Variants in MESP1 observed in about 807,000 individuals in gnomAD.
MESP1 encodes mesoderm posterior bHLH transcription factor 1.
A neutral mutation model predicts 15.2 loss-of-function variants in MESP1; 22 were observed. That is an observed-to-expected ratio of 1.45 (90% CI 1.04 to 2.07). The LOEUF (loss-of-function observed/expected upper bound fraction) is 2.07. Among genes scored for constraint, MESP1 ranks in the 30% most tolerant of loss-of-function variants. The pLI is 0.00. For synonymous variants in MESP1, 216 were observed against 192.6 expected (o/e 1.12, Z -1.01); for missense variants, 484 against 411.9 (o/e 1.17, Z -1.51).
chr15:89,744,582 T>C, the MESP1 span, among the ~76,000 whole-genome samples: 1 of 152,238 alleles, frequency 6.6e-6, no homozygotes, highest in Non-Finnish European at 1.5e-5. Flanking sequence ...ATGTTATTGT[T>C]ATCCCCATTT....
the MESP1 span, chr15:89,743,759 T>C: frequency 5.3e-5 from 12 of 226,948 alleles, no homozygotes; most frequent in East Asian, 1.0e-3. Flanking sequence ...TCCTAGGCCC[T>C]GGAGAGCCAC....
the MESP1 span, among the ~76,000 whole-genome samples, chr15:89,738,517 C>T: frequency 1.1e-3 from 165 of 151,212 alleles, no homozygotes; most frequent in Admixed American, 2.3e-3. Flanking sequence ...ATCCCAGCTA[C>T]TCGGGAGGCT....
downstream of MESP1, among the ~76,000 whole-genome samples, chr15:89,747,496 G>A (rs1260444710): frequency 2.6e-5 from 4 of 152,202 alleles, no homozygotes; most frequent in African/African-American, 4.8e-5. Context: ...TGGCCTCAGC[G>A]GGCACCCCTG....
the MESP1 span, chr15:89,733,208 G>A: frequency 1.2e-6 from 2 of 1,613,620 alleles, no homozygotes; most frequent in Non-Finnish European, 1.7e-6. Flanking sequence ...CCATCAGTGT[G>A]CTTGTTGAGA....
At chr15:89,735,191 G>A in the MESP1 span, among the ~76,000 whole-genome samples, 1 of 152,062 alleles carries the variant, frequency 6.6e-6, no homozygotes, top group Non-Finnish European at 1.5e-5. Context: ...TTTTTCAATG[G>A]TATTTATTCT....
chr15:89,733,575 G>T, the MESP1 span, among the ~76,000 whole-genome samples: 1 of 152,254 alleles, frequency 6.6e-6, no homozygotes, highest in East Asian at 1.9e-4. Flanking sequence ...TGGATTAATA[G>T]GTGAATGGAT....
chr15:89,750,078 A>C lies in MESP1; in HGVS notation c.*66T>G. 7.0e-7 allele frequency: 1 copy of C among 1,433,366 alleles called. No individual in the cohort carries two copies. Among genetic ancestry groups the C allele is most frequent in the East Asian group, 2.3e-5 (1 of 43,916 alleles). The allele number at this position is 1,433,366 out of a possible 1,614,324, so 88.8% of individuals were successfully genotyped here. On this transcript the variant is annotated 3_prime_UTR_variant, in exon 2 of 2. Coordinates refer to ENST00000300057, the MANE Select transcript of MESP1 (RefSeq NM_018670.4). ...TCCAGGAAAGGCAGTCTGCCAAGGA[A>C]CCACTTCGAAGGTGCTGAGGCCAAA...
At chr15:89,750,298 C>G in intron 1 of MESP1, 71 bp from the exon 2 acceptor site, 1 of 1,592,926 alleles carries the variant, frequency 6.3e-7, no homozygotes, top group South Asian at 1.1e-5. Context: ...CGCTCGTGGG[C>G]TCCACTCTCA....
the MESP1 span, chr15:89,737,935 C>T: frequency 7.3e-7 from 1 of 1,375,768 alleles, no homozygotes; most frequent in South Asian, 1.4e-5. Flanking sequence ...ACCCAGATGA[C>T]CCAGCCTTTA....
chr15:89,735,245 A>T, the MESP1 span, among the ~76,000 whole-genome samples: 1 of 152,180 alleles, frequency 6.6e-6, no homozygotes, highest in Non-Finnish European at 1.5e-5. Flanking sequence ...ATACATGTTG[A>T]TGCATGTAGC....
At chr15:89,737,580 T>C in the MESP1 span, 5 of 1,614,074 alleles carry the variant, frequency 3.1e-6, no homozygotes, top group Non-Finnish European at 4.2e-6. Flanking sequence ...CAGGTGCTCA[T>C]CTTTTCCAAG....
chr15:89,735,406 C>T, the MESP1 span: 2 of 1,395,774 alleles, frequency 1.4e-6, no homozygotes, highest in African/African-American at 1.4e-5. Flanking sequence ...CTCTGAATTT[C>T]TCCAGGATAT....
the MESP1 span, chr15:89,743,453 G>C: frequency 2.6e-6 from 4 of 1,520,204 alleles, no homozygotes; most frequent in African/African-American, 5.5e-5. Context: ...CTGCTCCCAG[G>C]ACACTGAGGC....
the MESP1 span, among the ~76,000 whole-genome samples, chr15:89,742,636 C>T: frequency 1.3e-5 from 2 of 152,074 alleles, no homozygotes; most frequent in Non-Finnish European, 2.9e-5. Context: ...CAGATTCAAG[C>T]GATTCTCCTG....
chr15:89,737,440 T>A, the MESP1 span: 5 of 1,231,642 alleles, frequency 4.1e-6, no homozygotes, highest in Non-Finnish European at 5.7e-6. Flanking sequence ...CCTGGATGGA[T>A]CCAGAGGCTG....
At chr15:89,750,300 C>G in intron 1 of MESP1, 73 bp from the exon 2 acceptor site, 1 of 1,591,914 alleles carries the variant, frequency 6.3e-7, no homozygotes, top group South Asian at 1.1e-5. Context: ...CTCGTGGGCT[C>G]CACTCTCAGG....
chr15:89,735,606 G>T, the MESP1 span: 2 of 1,553,746 alleles, frequency 1.3e-6, no homozygotes, highest in African/African-American at 2.7e-5. Context: ...TTTCTCTTCT[G>T]TGAATGTGTT....
In MESP1 at chr15:89,750,699, G is replaced by C; in HGVS notation, c.533C>G (p.Thr178Arg). Reference protein sequence around the residue: ...DDCPAQMQTRTQAEGQGQGRG... With the variant: ...DDCPAQMQTRRQAEGQGQGRG... ...CCCCTGCCCCTGCCCCTCAGCCTGC[G>C]TCCGTGTCTGCATCTGCGCGGGGCA... Residue 178 changes from threonine to arginine, a missense_variant, in exon 1 of 2, where the codon ACG (threonine) becomes AGG (arginine). Coordinates refer to ENST00000300057, the MANE Select transcript of MESP1 (RefSeq NM_018670.4). The C allele has an allele frequency of 7.3e-7, 1 of 1,374,730 alleles. No individual in the cohort carries two copies. Among genetic ancestry groups the C allele is most frequent in the South Asian group, 1.7e-5 (1 of 58,630 alleles). The allele number at this position is 1,374,730 out of a possible 1,614,324, so 85.2% of individuals were successfully genotyped here.
the MESP1 span, chr15:89,737,657 G>C: frequency 1.2e-6 from 2 of 1,614,182 alleles, no homozygotes; most frequent in African/African-American, 2.7e-5. Flanking sequence ...CCCTCCGGGA[G>C]CCTTTCCTCT....
Sources: gnomAD v4.1 joint callset for allele counts (sites outside exome capture counted in the v4.1 genomes callset) on GRCh38, gnomAD v4.1.1 for gene constraint, MANE v1.5 for transcripts, NCBI Gene and HGNC (gene_info 2026-07-23, HGNC 2026-07-21) for gene names.